ABLIM2: variants seen among roughly 807,000 people sequenced by gnomAD.
ABLIM2 encodes actin binding LIM protein family member 2, also known as actin-binding LIM protein 2.
A neutral mutation model predicts 97.7 loss-of-function variants in ABLIM2; 53 were observed. The observed-to-expected ratio is 0.54, with a 90% CI of 0.44 to 0.68. The LOEUF (loss-of-function observed/expected upper bound fraction) is 0.68. ABLIM2 is among the 30% of genes least tolerant of loss of function. The pLI, the probability that ABLIM2 is intolerant of heterozygous loss-of-function variation, is 0.00. For synonymous variants in ABLIM2, 361 were observed against 345.8 expected (o/e 1.04, Z -0.49); for missense variants, 835 against 867.2 (o/e 0.96, Z 0.47).
rs964397738 is a variant in ABLIM2, at chr4:8,032,373, C to T, written c.1048-2597G>A. Among the ~76,000 whole-genome samples the T allele has an allele frequency of 4.6e-5, 7 of 152,186 alleles. No individual in the cohort carries two copies. Among genetic ancestry groups the T allele is most frequent in the Admixed American group, 2.0e-4 (3 of 15,286 alleles). On this transcript the variant is annotated intron_variant, in intron 10 of 20. Coordinates refer to ENST00000447017, the MANE Select transcript of ABLIM2 (RefSeq NM_001130083.2). This position sits in a 1 kb window ranked among gnomAD's most constrained non-coding sequence, Gnocchi z 4.3. ...CTGAATTTTCCCCTAAAGGAAGCCA[C>T]GGCCCAGACCACGATCTGCTCAGGG... is the stretch of plus-strand genomic sequence containing the variant.
rs781486141 is a variant in ABLIM2, at chr4:8,005,314, C to T, written c.1618+2745G>A. 23 of 532,042 alleles carry T rather than the reference C, an allele frequency of 4.3e-5. No individual in the cohort carries two copies. Among genetic ancestry groups the T allele is most frequent in the Admixed American group, 9.7e-5 (5 of 51,572 alleles). 33.0% of individuals were successfully genotyped at this position (532,042 alleles called of 1,614,324 possible). Reference sequence around the variant, plus strand: ...CTCAGCGTCTGGCACAGAGTGGGTGCTCAATAAATACCCGTTGAATGTAAC... The same window carrying T: ...CTCAGCGTCTGGCACAGAGTGGGTGTTCAATAAATACCCGTTGAATGTAAC... On this transcript the variant is annotated intron_variant, in intron 16 of 20. Transcript: ENST00000447017. The surrounding 1 kb of genome is among the most constrained non-coding windows in gnomAD (Gnocchi z 4.9).
intron 1 of ABLIM2, among the ~76,000 whole-genome samples, chr4:8,133,674 C>T (rs1050257572): frequency 3.9e-5 from 6 of 152,232 alleles, no homozygotes; most frequent in Admixed American, 2.0e-4. Flanking sequence ...CTGCACACAC[C>T]TAGGCTGCCC....
chr4:8,098,344 A>G (rs900378981), intron 2 of ABLIM2, among the ~76,000 whole-genome samples: 3 of 152,228 alleles, frequency 2.0e-5, no homozygotes, highest in African/African-American at 7.2e-5. Context: ...AGTTTTCATC[A>G]CAATGTTAAT....
In ABLIM2 at chr4:8,068,385, A is replaced by G. The variant is rs1809473356; in HGVS notation, c.676-7331T>C. Among the ~76,000 whole-genome samples, 1 of 152,218 alleles carries G rather than the reference A, an allele frequency of 6.6e-6. No individual in the cohort carries two copies. The highest frequency in any genetic ancestry group is 6.5e-5 in the Admixed American group (1 of 15,284). On this transcript the variant is annotated intron_variant, in intron 6 of 20. Transcript: ENST00000447017. The surrounding 1 kb of genome is among the most constrained non-coding windows in gnomAD (Gnocchi z 4.5). ...GCCTGTGGTGGCTCAGGGTGACCACAGGTCCTCAGCCAGTGCTGGGTCAGA... is the reference window on the plus strand; with the variant it reads ...GCCTGTGGTGGCTCAGGGTGACCACGGGTCCTCAGCCAGTGCTGGGTCAGA...
rs1810586172 is a variant in ABLIM2, at chr4:8,069,829, G to A, written c.675+7799C>T. ...GTCTCTATGTGTTGTCTGTGTGTAC[G>A]TGTCTGTGGGTGCCGTGTGTGTTTT... On this transcript the variant is annotated intron_variant, in intron 6 of 20. Coordinates refer to ENST00000447017, the MANE Select transcript of ABLIM2 (RefSeq NM_001130083.2). The surrounding 1 kb of genome is among the most constrained non-coding windows in gnomAD (Gnocchi z 4.2). 6.6e-6 allele frequency among the ~76,000 whole-genome samples: 1 copy of A among 152,030 alleles called. No individual in the cohort carries two copies. Among genetic ancestry groups the A allele is most frequent in the South Asian group, 2.1e-4 (1 of 4,786 alleles).
At chr4:7,987,919 A>G (rs1745684434) in intron 17 of ABLIM2, among the ~76,000 whole-genome samples, 1 of 152,206 alleles carries the variant, frequency 6.6e-6, no homozygotes, top group Non-Finnish European at 1.5e-5. Context: ...CCACAAAGAC[A>G]GCACTGCCTG....
rs773883496 is a variant in ABLIM2, at chr4:8,083,680, C to T, written c.455-2878G>A. 4.6e-5 allele frequency among the ~76,000 whole-genome samples: 7 copies of T among 152,236 alleles called. No individual in the cohort carries two copies. Among genetic ancestry groups the T allele is most frequent in the Non-Finnish European group, 4.4e-5 (3 of 68,046 alleles). ...GCTCCACATTGCTTTGCGGGCTCTG[C>T]GCATGGCAGCTCAGAGTCCTGTGTG... On this transcript the variant is annotated intron_variant, in intron 4 of 20. Transcript: ENST00000447017. The surrounding 1 kb of genome is among the most constrained non-coding windows in gnomAD (Gnocchi z 4.6).
chr4:8,148,271 G>T lies in ABLIM2; in HGVS notation c.10+10409C>A, dbSNP rs1280174048. ...GGCCCAGTGTGTCTGGAGGGGAGAG[G>T]ATGAGCTGGTGGATGAGAGGGCTGC... On this transcript the variant is annotated intron_variant, in intron 1 of 20. Transcript: ENST00000447017. The surrounding 1 kb of genome is among the most constrained non-coding windows in gnomAD (Gnocchi z 6.7). Among the ~76,000 whole-genome samples, 1 of 152,224 alleles carries T rather than the reference G, an allele frequency of 6.6e-6. No homozygotes were observed. The highest frequency in any genetic ancestry group is 1.5e-5 in the Non-Finnish European group (1 of 68,036).
At chr4:8,091,586 T>G (rs1261914429) in intron 3 of ABLIM2, among the ~76,000 whole-genome samples, 2 of 29,878 alleles carry the variant, frequency 6.7e-5, no homozygotes, top group East Asian at 2.5e-3. Flanking sequence ...TTATATAAAA[T>G]TATATATATA....
intron 12 of ABLIM2, chr4:8,020,639 C>T (rs868697996): frequency 2.8e-6 from 1 of 356,026 alleles, no homozygotes; most frequent in African/African-American, 2.1e-5. Flanking sequence ...TTGAATCCAA[C>T]CAACTGCAAA....
At chr4:8,081,112 C>T (rs1360727425) in intron 4 of ABLIM2, among the ~76,000 whole-genome samples, 3 of 152,118 alleles carry the variant, frequency 2.0e-5, no homozygotes, top group African/African-American at 7.2e-5. Context: ...GCTCCTGGCA[C>T]CGAGACGTAC....
chr4:8,024,510 G>A (rs1385161622), intron 12 of ABLIM2, among the ~76,000 whole-genome samples: 4 of 152,142 alleles, frequency 2.6e-5, no homozygotes, highest in Admixed American at 6.5e-5. Context: ...AGAGGAGCCC[G>A]GGGAGCAAAC....
At chr4:8,091,492 TTATA>T (rs1349253956) in intron 3 of ABLIM2, among the ~76,000 whole-genome samples, 1 of 62,636 alleles carries the variant, frequency 1.6e-5, no homozygotes, top group Non-Finnish European at 2.8e-5. Flanking sequence ...ATTTTATATT[TTATA>T]TATTTTGTAT....
intron 17 of ABLIM2, among the ~76,000 whole-genome samples, chr4:7,987,032 G>C (rs1385463680): frequency 2.0e-5 from 3 of 151,872 alleles, no homozygotes; most frequent in Admixed American, 6.6e-5. Flanking sequence ...ACCCAGACTG[G>C]AGTGCAGTGG....
rs747471823 is a variant in ABLIM2, at chr4:7,983,284, C to T, written c.1804G>A (p.Val602Met). The T allele has an allele frequency of 6.2e-6, 10 of 1,611,862 alleles. No individual in the cohort carries two copies. The highest frequency in any genetic ancestry group is 2.2e-5 in the East Asian group (1 of 44,860). The change falls in exon 20 of 21, where the codon GTG becomes ATG. Residue 602 changes from valine to methionine, a missense_variant. By Grantham distance (21) the Val-to-Met change is conservative (BLOSUM62 1). Transcript: ENST00000447017. ...NRIRVKLPKDVDRTRLERHLS... is the reference protein window; with the variant it reads ...NRIRVKLPKDMDRTRLERHLS... Reference sequence around the variant, plus strand: ...CTTACCTCCAGTCTCGTCCGGTCCACGTCTTTGGGCAGTTTCACGCGAATT... The same window carrying T: ...CTTACCTCCAGTCTCGTCCGGTCCATGTCTTTGGGCAGTTTCACGCGAATT...
rs2149779192 is a variant in ABLIM2 at position 7,986,653 on chromosome 4, C to T, written c.1681-1760G>A. ...CACCACTTCACAAAATAATTCTTGCCTTCAGGGGTATTCACAAAGAATTTC... is the reference window on the plus strand; with the variant it reads ...CACCACTTCACAAAATAATTCTTGCTTTCAGGGGTATTCACAAAGAATTTC... On this transcript the variant is annotated intron_variant, in intron 17 of 20. Coordinates refer to ENST00000447017, the MANE Select transcript of ABLIM2 (RefSeq NM_001130083.2). This position sits in a 1 kb window ranked among gnomAD's most constrained non-coding sequence, Gnocchi z 4.3. Among the ~76,000 whole-genome samples, 2 of 152,216 alleles carry T rather than the reference C, an allele frequency of 1.3e-5. No individual in the cohort carries two copies. The highest frequency in any genetic ancestry group is 3.4e-3 in the Middle Eastern group (1 of 294).
In ABLIM2 at chr4:8,150,030, C is replaced by T. The variant is rs1305612686; in HGVS notation, c.10+8650G>A. 1.3e-5 allele frequency among the ~76,000 whole-genome samples: 2 copies of T among 152,110 alleles called. No individual in the cohort carries two copies. Among genetic ancestry groups the T allele is most frequent in the African/African-American group, 4.8e-5 (2 of 41,410 alleles). On this transcript the variant is annotated intron_variant, in intron 1 of 20. Coordinates refer to ENST00000447017, the MANE Select transcript of ABLIM2 (RefSeq NM_001130083.2). This position sits in a 1 kb window ranked among gnomAD's most constrained non-coding sequence, Gnocchi z 6.3. Reference sequence around the variant, plus strand: ...CTGGGGTCACCTCCTAGGTAAACCACCTGCACCCAAGTTCCCACTGCACCT... The same window carrying T: ...CTGGGGTCACCTCCTAGGTAAACCATCTGCACCCAAGTTCCCACTGCACCT...
rs777771638 is a variant in ABLIM2 at position 8,148,566 on chromosome 4, G to A, written c.10+10114C>T. Among the ~76,000 whole-genome samples, 3 of 152,066 alleles carry A rather than the reference G, an allele frequency of 2.0e-5. No individual in the cohort carries two copies. Among genetic ancestry groups the A allele is most frequent in the African/African-American group, 4.8e-5 (2 of 41,370 alleles). ...GGGAATACTGGTAGTCCCGAGCAAGGAGCTCTGATGTAAGGATTATAGGGT... is the reference window on the plus strand; with the variant it reads ...GGGAATACTGGTAGTCCCGAGCAAGAAGCTCTGATGTAAGGATTATAGGGT... On this transcript the variant is annotated intron_variant, in intron 1 of 20. Transcript: ENST00000447017. The surrounding 1 kb of genome is among the most constrained non-coding windows in gnomAD (Gnocchi z 6.7).
chr4:7,999,451 T>C lies in ABLIM2; in HGVS notation c.1619-6524A>G, dbSNP rs77006416. 0.02 allele frequency among the ~76,000 whole-genome samples: 3,046 copies of C among 152,262 alleles called. 103 individuals carry two copies. Among genetic ancestry groups the C allele is most frequent in the African/African-American group, 0.07 (2,893 of 41,550 alleles). ...ACTAAACATGAACCCATTTTACAGA[T>C]GAGGAAGCTGAGACCTAATGATATC... On this transcript the variant is annotated intron_variant, in intron 16 of 20. Transcript: ENST00000447017. This position sits in a 1 kb window ranked among gnomAD's most constrained non-coding sequence, Gnocchi z 4.4.
Sources: allele counts gnomAD v4.1 joint callset (sites outside exome capture counted in the v4.1 genomes callset), GRCh38; gene constraint gnomAD v4.1.1; non-coding constraint Gnocchi (gnomAD v3.1); transcripts MANE v1.5; gene names NCBI Gene and HGNC (gene_info 2026-07-23, HGNC 2026-07-21).